Variants in TBC1D5 observed in about 807,000 individuals in gnomAD.
TBC1D5 encodes TBC1 domain family member 5, also known as TBC1 domain family, member 5.
A neutral mutation model predicts 100.3 loss-of-function variants in TBC1D5; 75 were observed. The ratio of observed to expected loss-of-function variants is 0.75; its 90% CI spans 0.62 to 0.91. TBC1D5 has a LOEUF of 0.91. TBC1D5 is among the 40% of genes least tolerant of loss of function. The pLI is 0.00. For synonymous variants in TBC1D5, 323 were observed against 325.6 expected (o/e 0.99, Z 0.09); for missense variants, 910 against 942.4 (o/e 0.97, Z 0.45).
At chr3:17,432,523 G>C (rs1425451813) in intron 3 of TBC1D5, among the ~76,000 whole-genome samples, 5 of 152,058 alleles carry the variant, frequency 3.3e-5, no homozygotes, top group African/African-American at 1.2e-4. Flanking sequence ...CCACTCATTA[G>C]ATCTAAGAGC....
intron 1 of TBC1D5, among the ~76,000 whole-genome samples, chr3:17,635,583 G>A (rs992569101): frequency 2.0e-5 from 3 of 152,084 alleles, no homozygotes; most frequent in African/African-American, 7.2e-5. Context: ...GAGAGGGTGA[G>A]GCAGGAAAAC....
intron 3 of TBC1D5, among the ~76,000 whole-genome samples, chr3:17,434,825 C>T (rs2094506845): frequency 6.6e-6 from 1 of 152,092 alleles, no homozygotes; most frequent in South Asian, 2.1e-4. Flanking sequence ...TTTTTTTCCC[C>T]CTACTACATT....
chr3:17,384,773 G>C lies in TBC1D5; in HGVS notation c.510-758C>G, dbSNP rs533983140. Among the ~76,000 whole-genome samples, 21 of 152,166 alleles carry C rather than the reference G, an allele frequency of 1.4e-4. No individual in the cohort carries two copies. The South Asian group carries it at 4.4e-3, about 32-fold the overall frequency. The stretch of plus-strand genomic sequence containing the variant: ...AGCATAACATGGTAATTATTAATCA[G>C]AAGGAAAAGACAATTCCATGAAATA... On this transcript the variant is annotated intron_variant, in intron 8 of 21. Transcript: ENST00000253692.
intron 13 of TBC1D5, among the ~76,000 whole-genome samples, chr3:17,329,894 C>T (rs1176424671): frequency 6.6e-6 from 1 of 152,182 alleles, no homozygotes; most frequent in African/African-American, 2.4e-5. Context: ...GCATTAATTT[C>T]TCTATTCTTC....
In TBC1D5 at chr3:17,459,774, A is replaced by G. The variant is rs181001318; in HGVS notation, c.98-31255T>C. On this transcript the variant is annotated intron_variant, in intron 3 of 21. Coordinates refer to ENST00000253692, the Ensembl canonical transcript of TBC1D5. Reference sequence around the variant, plus strand: ...AAAAGATTTACAGCCTGAGTTAATGATTATTCACTGTTAACAGATAACTGA... The same window carrying G: ...AAAAGATTTACAGCCTGAGTTAATGGTTATTCACTGTTAACAGATAACTGA... Among the ~76,000 whole-genome samples, 43 of 152,280 alleles carry G rather than the reference A, an allele frequency of 2.8e-4. 1 individual carries two copies. The highest frequency in any genetic ancestry group is 9.2e-4 in the Admixed American group (14 of 15,290).
At chr3:17,247,816 AT>A (rs1443946727) in intron 16 of TBC1D5, among the ~76,000 whole-genome samples, 1 of 152,152 alleles carries the variant, frequency 6.6e-6, no homozygotes, top group African/African-American at 2.4e-5. Context: ...TTCATAGCAT[AT>A]TTACCAGGAG....
chr3:17,546,783 CAA>C (rs758349149), intron 2 of TBC1D5, among the ~76,000 whole-genome samples: 27 of 70,112 alleles, frequency 3.9e-4, no homozygotes, highest in Non-Finnish European at 2.9e-4. Flanking sequence ...GACTCCATCT[CAA>C]AAAAAAAAAA....
intron 3 of TBC1D5, among the ~76,000 whole-genome samples, chr3:17,500,961 T>C (rs2095780952): frequency 6.7e-6 from 1 of 149,622 alleles, no homozygotes; most frequent in South Asian, 2.1e-4. Context: ...TGGCATGTTC[T>C]TTGCTCTCGG....
rs193101876 is a variant in TBC1D5 at position 17,508,582 on chromosome 3, G to A, written c.-12C>T. 3 of 1,602,538 alleles carry A rather than the reference G, an allele frequency of 1.9e-6. No individual in the cohort carries two copies. In the Admixed American group the frequency reaches 5.0e-5, roughly 27 times the overall value. Reference sequence around the variant, plus strand: ...AAGGAATGATACATTGTGGGAACTGGACAGCGTCACCAAAAGTAACTACCT... The same window carrying A: ...AAGGAATGATACATTGTGGGAACTGAACAGCGTCACCAAAAGTAACTACCT... On this transcript the variant is annotated 5_prime_UTR_variant, in exon 3 of 22. Coordinates refer to ENST00000253692, the Ensembl canonical transcript of TBC1D5.
chr3:17,215,911 C>A (rs2073579207), intron 17 of TBC1D5, among the ~76,000 whole-genome samples: 1 of 152,058 alleles, frequency 6.6e-6, no homozygotes, highest in African/African-American at 2.4e-5. Flanking sequence ...CCCTGATTGT[C>A]CCTGATCTCA....
At chr3:17,640,791 T>G (rs1014269092) in intron 1 of TBC1D5, among the ~76,000 whole-genome samples, 1 of 152,082 alleles carries the variant, frequency 6.6e-6, no homozygotes, top group African/African-American at 2.4e-5. Flanking sequence ...TAAAATATTT[T>G]CATAAAGAAC....
intron 2 of TBC1D5, among the ~76,000 whole-genome samples, chr3:17,593,531 G>A (rs1006415517): frequency 6.6e-6 from 1 of 152,156 alleles, no homozygotes; most frequent in African/African-American, 2.4e-5. Context: ...CGATGGAAAG[G>A]GCAGAGGTTT....
Position 17,275,129 on chromosome 3 carries a change from G to T in TBC1D5, c.1246-16538C>A, listed in dbSNP as rs569968719. Among the ~76,000 whole-genome samples, 2 of 152,212 alleles carry T rather than the reference G, an allele frequency of 1.3e-5. 1 individual carries two copies. The highest frequency in any genetic ancestry group is 4.1e-4 in the South Asian group (2 of 4,822). ...CAATTATTTCCAATTTGCCTCTTCA[G>T]AAACCAATTTTAATAACAATGAGAA... On this transcript the variant is annotated intron_variant, in intron 15 of 21. Coordinates refer to ENST00000253692, the Ensembl canonical transcript of TBC1D5.
At chr3:17,254,343 G>A (rs1479144126) in intron 16 of TBC1D5, among the ~76,000 whole-genome samples, 1 of 152,082 alleles carries the variant, frequency 6.6e-6, no homozygotes, top group African/African-American at 2.4e-5. Context: ...ATACATGAGG[G>A]TTCTAATTGC....
intron 2 of TBC1D5, among the ~76,000 whole-genome samples, chr3:17,569,822 A>C (rs1576763803): frequency 6.6e-6 from 1 of 151,750 alleles, no homozygotes; most frequent in East Asian, 1.9e-4. Context: ...TTAGCAATAA[A>C]TATCATTTTC....
At chr3:17,576,602 C>G (rs180984121) in intron 2 of TBC1D5, 87 of 152,026 alleles carry the variant, frequency 5.7e-4, no homozygotes, top group African/African-American at 2.1e-3. Context: ...GGTAGTTTTT[C>G]AACACTGTAT....
At chr3:17,345,882 A>G (rs1401049068) in intron 13 of TBC1D5, among the ~76,000 whole-genome samples, 1 of 152,048 alleles carries the variant, frequency 6.6e-6, no homozygotes, top group Non-Finnish European at 1.5e-5. Context: ...GAACACATGG[A>G]CACAGGAAGG....
At chr3:17,561,322 T>TA (rs1473310015) in intron 2 of TBC1D5, among the ~76,000 whole-genome samples, 8 of 152,220 alleles carry the variant, frequency 5.3e-5, no homozygotes, top group African/African-American at 1.9e-4. Context: ...CATAAAAACT[T>TA]AGAGGGTTCA....
intron 19 of TBC1D5, among the ~76,000 whole-genome samples, chr3:17,179,840 T>C (rs1312607593): frequency 6.6e-6 from 1 of 152,176 alleles, no homozygotes. Flanking sequence ...GGTGTCCAAA[T>C]ACCAAACAGA....
Sources: allele counts gnomAD v4.1 joint callset (sites outside exome capture counted in the v4.1 genomes callset), GRCh38; gene constraint gnomAD v4.1.1; transcripts MANE v1.5; gene names NCBI Gene and HGNC (gene_info 2026-07-23, HGNC 2026-07-21).